Variants in CTNNA2 observed in about 807,000 individuals in gnomAD.
CTNNA2 encodes catenin alpha 2, also known as catenin alpha-2.
A neutral mutation model predicts 101.0 loss-of-function variants in CTNNA2; 42 were observed. The observed-to-expected ratio is 0.42, with a 90% CI of 0.32 to 0.54. CTNNA2 has a LOEUF of 0.54. CTNNA2 is among the 20% of genes least tolerant of loss of function. The probability of loss-of-function intolerance (pLI) is 0.14; values close to 1 mark genes in which losing one functional copy is unlikely to be tolerated. For missense variants in CTNNA2, 871 were observed against 1,223.1 expected (o/e 0.71, Z 4.29); for synonymous variants, 450 against 456.4 (o/e 0.99, Z 0.18).
intron 3 of CTNNA2, among the ~76,000 whole-genome samples, chr2:79,355,231 G>C (rs1040830260): frequency 6.6e-6 from 1 of 152,098 alleles, no homozygotes; most frequent in African/African-American, 2.4e-5. Flanking sequence ...GGTTCCATAT[G>C]AATGTTAAGC....
At chr2:79,453,736 T>C in intron 4 of CTNNA2, among the ~76,000 whole-genome samples, 1 of 152,146 alleles carries the variant, frequency 6.6e-6, no homozygotes, top group East Asian at 1.9e-4. Context: ...TCTGCCAACC[T>C]ACTCCTGCTT....
At chr2:80,436,422 A>G (rs1487774291) in intron 9 of CTNNA2, among the ~76,000 whole-genome samples, 1 of 134,310 alleles carries the variant, frequency 7.4e-6, no homozygotes, top group East Asian at 2.4e-4. Flanking sequence ...TTTCCAGAAT[A>G]TCTTCTCATG....
At chr2:80,168,021 A>G (rs1704809944) in intron 7 of CTNNA2, among the ~76,000 whole-genome samples, 1 of 152,144 alleles carries the variant, frequency 6.6e-6, no homozygotes, top group Non-Finnish European at 1.5e-5. Flanking sequence ...CTTTGCCATA[A>G]CCAGTCTACC....
chr2:80,217,126 C>T (rs1376460728), intron 7 of CTNNA2, among the ~76,000 whole-genome samples: 1 of 152,030 alleles, frequency 6.6e-6, no homozygotes, highest in Non-Finnish European at 1.5e-5. Context: ...GCCACCGAGC[C>T]CAGCCTATTT....
chr2:80,066,464 A>G (rs780905743), intron 7 of CTNNA2, among the ~76,000 whole-genome samples: 98 of 152,342 alleles, frequency 6.4e-4, no homozygotes, highest in Non-Finnish European at 1.2e-3. Context: ...GAAAACACAC[A>G]AATGGCCAAC....
At chr2:79,744,661 T>C (rs925522323) in intron 3 of CTNNA2, 79 bp downstream of exon 3, 7 of 1,321,238 alleles carry the variant, frequency 5.3e-6, no homozygotes, top group Non-Finnish European at 7.2e-6. Flanking sequence ...AATCAATGGA[T>C]ATTTACTCAA....
intron 9 of CTNNA2, among the ~76,000 whole-genome samples, chr2:80,511,651 G>A (rs1053903093): frequency 5.3e-5 from 8 of 152,112 alleles, no homozygotes; most frequent in African/African-American, 1.2e-4. Flanking sequence ...AAGGAGATTC[G>A]AAGTCACTTA....
At chr2:79,589,198 AAGGCCGTGCCACCAGC>A (rs1676687506) in intron 1 of CTNNA2, among the ~76,000 whole-genome samples, 1 of 152,204 alleles carries the variant, frequency 6.6e-6, no homozygotes, top group Admixed American at 6.5e-5. Context: ...AAAGTGATCT[AAGGCCGTGCCACCAGC>A]AGGCCAAGGC....
At chr2:79,576,680 T>C (rs994254486) in intron 1 of CTNNA2, among the ~76,000 whole-genome samples, 1 of 152,180 alleles carries the variant, frequency 6.6e-6, no homozygotes, top group African/African-American at 2.4e-5. Context: ...TGCTTTTCTC[T>C]CATGCTAGAA....
chr2:79,636,026 C>G (rs1680017938), intron 1 of CTNNA2, among the ~76,000 whole-genome samples: 1 of 149,754 alleles, frequency 6.7e-6, no homozygotes, highest in Non-Finnish European at 1.5e-5. Context: ...CTTTGGGAGG[C>G]TGAGGCAGGC....
intron 9 of CTNNA2, among the ~76,000 whole-genome samples, chr2:80,472,167 C>T (rs1202128530): frequency 2.0e-5 from 3 of 151,374 alleles, no homozygotes; most frequent in African/African-American, 7.3e-5. Context: ...GTCTAGAGGA[C>T]CTGCAGATAA....
chr2:80,287,419 C>T (rs1674865181), intron 7 of CTNNA2, among the ~76,000 whole-genome samples: 1 of 152,134 alleles, frequency 6.6e-6, no homozygotes, highest in Non-Finnish European at 1.5e-5. Context: ...GACTGAATTT[C>T]ATTCCATTGC....
chr2:79,791,756 A>G (rs1408320167), intron 3 of CTNNA2, among the ~76,000 whole-genome samples: 1 of 152,232 alleles, frequency 6.6e-6, no homozygotes, highest in Non-Finnish European at 1.5e-5. Flanking sequence ...TAGCAGGATC[A>G]CAAAGGAGAC....
At chr2:79,464,112 C>G (rs1423060178) in intron 4 of CTNNA2, among the ~76,000 whole-genome samples, 3 of 151,872 alleles carry the variant, frequency 2.0e-5, no homozygotes, top group Non-Finnish European at 4.4e-5. Flanking sequence ...TAAGGTATAT[C>G]TCCTAATGCT....
At chr2:79,790,332 G>T (rs1348886798) in intron 3 of CTNNA2, among the ~76,000 whole-genome samples, 1 of 152,054 alleles carries the variant, frequency 6.6e-6, no homozygotes, top group Non-Finnish European at 1.5e-5. Flanking sequence ...AGGAGTTGAC[G>T]ATGTCAAAGG....
intron 2 of CTNNA2, among the ~76,000 whole-genome samples, chr2:79,669,379 T>G (rs555956775): frequency 1.1e-4 from 16 of 152,322 alleles, no homozygotes; most frequent in African/African-American, 3.8e-4. Context: ...CTCTTAAAGT[T>G]ACGAGACCTC....
intron 1 of CTNNA2, among the ~76,000 whole-genome samples, chr2:79,588,616 A>C (rs961118624): frequency 1.3e-5 from 2 of 152,190 alleles, no homozygotes; most frequent in Non-Finnish European, 2.9e-5. Context: ...GGTAAAGTAT[A>C]TGGATTTTTT....
chr2:79,857,758 T>C (rs1306642755), intron 3 of CTNNA2, among the ~76,000 whole-genome samples: 1 of 152,214 alleles, frequency 6.6e-6, no homozygotes, highest in Admixed American at 6.5e-5. Flanking sequence ...GAATTAAATA[T>C]ACTCCTTATT....
chr2:80,030,247 G>A (rs1348941690), intron 7 of CTNNA2, among the ~76,000 whole-genome samples: 1 of 146,968 alleles, frequency 6.8e-6, no homozygotes, highest in African/African-American at 2.6e-5. Flanking sequence ...AAAAAAAAAA[G>A]ATGTTAAAAG....
Sources: gnomAD v4.1 joint callset for allele counts (sites outside exome capture counted in the v4.1 genomes callset) on GRCh38, gnomAD v4.1.1 for gene constraint, MANE v1.5 for transcripts, NCBI Gene and HGNC (gene_info 2026-07-23, HGNC 2026-07-21) for gene names.